The following SF3B1 variants were observed in gnomAD, a reference collection of about 807,000 sequenced individuals.
SF3B1 encodes splicing factor 3b subunit 1.
A neutral mutation model predicts 153.8 loss-of-function variants in SF3B1; 12 were observed. The ratio of observed to expected loss-of-function variants is 0.08; its 90% CI spans 0.05 to 0.13. The LOEUF (loss-of-function observed/expected upper bound fraction) is 0.13, where lower values mean the gene tolerates loss of function less well. Among genes scored for constraint, SF3B1 ranks in the 10% least tolerant of loss-of-function variants. The pLI is 1.00. For missense variants in SF3B1, 513 were observed against 1,606.1 expected, an observed-to-expected ratio of 0.32 and a Z score of 11.63; for synonymous variants, 498 against 525.2, an observed-to-expected ratio of 0.95 and a Z score of 0.71.
chr2:197,393,341 T>C (rs1574521735), intron 23 of SF3B1, 153 bp from the exon 24 acceptor site: 1 of 625,204 alleles, frequency 1.6e-6, no homozygotes. Flanking sequence ...TGTGAAGTCA[T>C]CTAACATTTC....
At chr2:197,416,649 G>C (rs2085152562) in intron 6 of SF3B1, 92 bp downstream of exon 6, 1 of 1,079,530 alleles carries the variant, frequency 9.3e-7, no homozygotes, top group Non-Finnish European at 1.3e-6. Context: ...CCCAGTCTGT[G>C]GTATCTTGCT....
chr2:197,420,154 CCAAAA>C (rs2085216649), intron 4 of SF3B1: 1 of 368,106 alleles, frequency 2.7e-6, no homozygotes, highest in African/African-American at 2.1e-5. Flanking sequence ...GAAAGCGTAC[CCAAAA>C]CAAAAGTAAA....
intron 9 of SF3B1, among the ~76,000 whole-genome samples, chr2:197,405,783 G>A (rs1443969440): frequency 4.6e-5 from 7 of 151,962 alleles, no homozygotes; most frequent in Non-Finnish European, 2.9e-5. Flanking sequence ...TAAAATCTGA[G>A]TCAGCAATTC....
At chr2:197,416,508 C>A in intron 6 of SF3B1, 1 of 411,600 alleles carries the variant, frequency 2.4e-6, no homozygotes, top group South Asian at 4.7e-5. Flanking sequence ...ACAGAGCTTG[C>A]TGGCACAGAG....
intron 1 of SF3B1, among the ~76,000 whole-genome samples, 192 bp downstream of exon 1, chr2:197,434,780 G>C (rs116131848): frequency 2.0e-5 from 3 of 152,392 alleles, no homozygotes; most frequent in African/African-American, 7.2e-5. Context: ...GCGCCTGTCG[G>C]GGGTGTAAGA....
intron 6 of SF3B1, 51 bp downstream of exon 6, chr2:197,416,690 T>C (rs1477741436): frequency 1.9e-6 from 3 of 1,552,562 alleles, no homozygotes; most frequent in South Asian, 2.4e-5. Context: ...ATACAGTCCA[T>C]AACAGAAAAA....
chr2:197,434,427 G>A (rs2085489242), intron 1 of SF3B1, among the ~76,000 whole-genome samples: 1 of 152,182 alleles, frequency 6.6e-6, no homozygotes. Context: ...GACTAAGGGA[G>A]GGAAAACAAC....
At chr2:197,411,422 C>A (rs2085065814) in intron 6 of SF3B1, among the ~76,000 whole-genome samples, 1 of 151,018 alleles carries the variant, frequency 6.6e-6, no homozygotes, top group African/African-American at 2.4e-5. Flanking sequence ...ACCCGTAATC[C>A]CAGCACTTTG....
chr2:197,403,753 A>C lies in SF3B1; in HGVS notation c.1551T>G (p.Arg517=). 6.3e-7 allele frequency: 1 copy of C among 1,588,808 alleles called. No individual in the cohort carries two copies. Among genetic ancestry groups the C allele is most frequent in the Non-Finnish European group, 8.5e-7 (1 of 1,172,312 alleles). The change falls in exon 12 of 25, where the codon CGT becomes CGG. Residue 517 remains arginine, a synonymous_variant. Coordinates refer to ENST00000335508, the MANE Select transcript of SF3B1 (RefSeq NM_012433.4). ...GTPPMRKAAL[R]QITDKAREFG... ...ATTCACGAGCTTTATCAGTAATCTG[A>C]CGCAATGCAGCCTGGGAAAAAGAGC...
At chr2:197,418,270 T>C (rs2085186637) in intron 5 of SF3B1, among the ~76,000 whole-genome samples, 1 of 55,312 alleles carries the variant, frequency 1.8e-5, no homozygotes, top group African/African-American at 5.0e-5. Flanking sequence ...AAAAATCCCT[T>C]GTGAGACACA....
chr2:197,414,111 A>T (rs1394105217), intron 6 of SF3B1, among the ~76,000 whole-genome samples: 1 of 152,164 alleles, frequency 6.6e-6, no homozygotes, highest in Non-Finnish European at 1.5e-5. Context: ...CCCAGCCCTT[A>T]ATGTTTTGCT....
At chr2:197,416,703 T>G (rs186381038) in intron 6 of SF3B1, 38 bp downstream of exon 6, 6 of 1,583,664 alleles carry the variant, frequency 3.8e-6, no homozygotes, top group Non-Finnish European at 5.1e-6. Context: ...CAGAAAAAAA[T>G]TTTTTAACAG....
intron 23 of SF3B1, among the ~76,000 whole-genome samples, chr2:197,395,072 C>T (rs1036716078): frequency 2.0e-5 from 3 of 152,204 alleles, no homozygotes; most frequent in South Asian, 2.1e-4. Context: ...ATAAAATTTC[C>T]AACTGAAGTA....
At chr2:197,434,847 CTT>C in intron 1 of SF3B1, 123 bp downstream of exon 1, 1 of 1,045,480 alleles carries the variant, frequency 9.6e-7, no homozygotes, top group Non-Finnish European at 1.4e-6. Context: ...GGAGACGACC[CTT>C]GGCCCCGAAA....
In SF3B1 at chr2:197,401,908, A is replaced by G. The variant is rs375511433; in HGVS notation, c.2224-20T>C. ...CAAACCCTATTTTTAAATAAAAAAT[A>G]TATGTACTTTAGTAATTTAGATTTA... On this transcript the variant is annotated intron_variant, in intron 15 of 24. Coordinates refer to ENST00000335508, the MANE Select transcript of SF3B1 (RefSeq NM_012433.4). The surrounding 1 kb of genome is among the most constrained non-coding windows in gnomAD (Gnocchi z 4.2). The G allele has an allele frequency of 1.0e-4, 161 of 1,585,288 alleles. No homozygotes were observed. Among genetic ancestry groups the G allele is most frequent in the Non-Finnish European group, 2.0e-5 (23 of 1,170,262 alleles).
intron 6 of SF3B1, among the ~76,000 whole-genome samples, chr2:197,411,996 G>A (rs769499114): frequency 2.0e-5 from 3 of 151,370 alleles, no homozygotes; most frequent in Non-Finnish European, 2.9e-5. Context: ...TGTAATTCCA[G>A]CTACTCAGGA....
At chr2:197,408,708 T>C in intron 7 of SF3B1, 127 bp from the exon 8 acceptor site, 1 of 694,528 alleles carries the variant, frequency 1.4e-6, no homozygotes, top group Non-Finnish European at 2.4e-6. Flanking sequence ...TGGTGACCCA[T>C]TTAAAGTTGT....
At chr2:197,415,057 T>C (rs868165039) in intron 6 of SF3B1, among the ~76,000 whole-genome samples, 1 of 151,448 alleles carries the variant, frequency 6.6e-6, no homozygotes, top group South Asian at 2.1e-4. Context: ...AGAAACAGGA[T>C]TGTAGCTGAA....
chr2:197,397,130 A>G (rs977252059), intron 22 of SF3B1, among the ~76,000 whole-genome samples: 12 of 152,210 alleles, frequency 7.9e-5, no homozygotes, highest in Non-Finnish European at 1.5e-4. Flanking sequence ...CAAAGCAGCT[A>G]TAATTCAGTT....
Sources: gnomAD v4.1 joint callset for allele counts (sites outside exome capture counted in the v4.1 genomes callset) on GRCh38, gnomAD v4.1.1 for gene constraint, Gnocchi (gnomAD v3.1) non-coding constraint, MANE v1.5 for transcripts, NCBI Gene and HGNC (gene_info 2026-07-23, HGNC 2026-07-21) for gene names.